PARD3B: variants seen among roughly 807,000 people sequenced by gnomAD.
PARD3B encodes the protein par-3 family cell polarity regulator beta.
Under a neutral mutation model 130.2 loss-of-function variants are expected in PARD3B, and 103 were observed. The observed-to-expected ratio is 0.79, with a 90% CI of 0.67 to 0.93. PARD3B has a LOEUF of 0.93. Among genes scored for constraint, PARD3B ranks in the 40% least tolerant of loss-of-function variants. The pLI, the probability that PARD3B is intolerant of heterozygous loss-of-function variation, is 0.00. For synonymous variants in PARD3B, 583 were observed against 553.2 expected (o/e 1.05, Z -0.76); for missense variants, 1,609 against 1,499.2 (o/e 1.07, Z -1.21).
chr2:205,522,741 A>ATAAATTTTT (rs2051134479), intron 21 of PARD3B, among the ~76,000 whole-genome samples: 1 of 152,178 alleles, frequency 6.6e-6, no homozygotes. Flanking sequence ...TATACACACA[A>ATAAATTTTT]TAAATTTTTA....
chr2:204,936,704 C>T (rs779572899), intron 2 of PARD3B, among the ~76,000 whole-genome samples: 6 of 152,184 alleles, frequency 3.9e-5, no homozygotes, highest in African/African-American at 7.2e-5. Flanking sequence ...CTGTCATATC[C>T]TCATATTCTT....
At chr2:205,378,424 A>G (rs1221450832) in intron 18 of PARD3B, among the ~76,000 whole-genome samples, 1 of 152,108 alleles carries the variant, frequency 6.6e-6, no homozygotes, top group Non-Finnish European at 1.5e-5. Flanking sequence ...AAAAAAGAAG[A>G]AAGTTTCAAG....
chr2:205,285,252 A>G (rs1171063168), intron 16 of PARD3B, among the ~76,000 whole-genome samples: 2 of 152,138 alleles, frequency 1.3e-5, no homozygotes, highest in Non-Finnish European at 2.9e-5. Flanking sequence ...CAGAGACTGT[A>G]CCATGGGAAG....
At chr2:205,330,990 G>C (rs934964456) in intron 18 of PARD3B, among the ~76,000 whole-genome samples, 1 of 152,016 alleles carries the variant, frequency 6.6e-6, no homozygotes, top group African/African-American at 2.4e-5. Flanking sequence ...TCTCTTCCTC[G>C]ACGGAAAAGA....
chr2:204,809,930 AG>A (rs760463074), intron 2 of PARD3B, among the ~76,000 whole-genome samples: 1 of 151,988 alleles, frequency 6.6e-6, no homozygotes, highest in African/African-American at 2.4e-5. Context: ...GTGTTTCATA[AG>A]TCTTATTGTA....
chr2:204,836,826 G>A (rs561454297), intron 2 of PARD3B, among the ~76,000 whole-genome samples: 12 of 152,124 alleles, frequency 7.9e-5, no homozygotes, highest in Non-Finnish European at 1.6e-4. Context: ...TGAGAGGTAG[G>A]ATTGTGGGTG....
chr2:205,489,115 C>A (rs1016501139), intron 20 of PARD3B, among the ~76,000 whole-genome samples: 2 of 152,110 alleles, frequency 1.3e-5, no homozygotes, highest in African/African-American at 2.4e-5. Context: ...AACTTTTCAA[C>A]TATATTTTAA....
chr2:205,238,880 ATGTG>A (rs1240191527), intron 15 of PARD3B, among the ~76,000 whole-genome samples: 1 of 58,700 alleles, frequency 1.7e-5, no homozygotes, highest in African/African-American at 7.0e-5. Context: ...ATATATATGT[ATGTG>A]TGTATATATA....
At chr2:204,781,935 A>G (rs2041846896) in intron 2 of PARD3B, among the ~76,000 whole-genome samples, 1 of 152,038 alleles carries the variant, frequency 6.6e-6, no homozygotes, top group Admixed American at 6.6e-5. Flanking sequence ...TAGTTTTTCC[A>G]GCTTTTATTA....
chr2:205,506,562 G>A (rs1234276792), intron 21 of PARD3B, among the ~76,000 whole-genome samples: 2 of 152,174 alleles, frequency 1.3e-5, no homozygotes, highest in Non-Finnish European at 2.9e-5. Flanking sequence ...TTGGAGGAAA[G>A]AGAAAACACA....
At chr2:205,353,198 C>T (rs1440571159) in intron 18 of PARD3B, among the ~76,000 whole-genome samples, 2 of 152,220 alleles carry the variant, frequency 1.3e-5, no homozygotes, top group Admixed American at 1.3e-4. Context: ...GCACAGGAAA[C>T]AGTGCAAATA....
At chr2:205,346,276 C>T (rs1217585530) in intron 18 of PARD3B, among the ~76,000 whole-genome samples, 5 of 151,934 alleles carry the variant, frequency 3.3e-5, no homozygotes, top group Admixed American at 2.0e-4. Flanking sequence ...GCCTGGCCCC[C>T]CTGGAGCCAT....
intron 2 of PARD3B, among the ~76,000 whole-genome samples, chr2:204,867,616 C>T (rs565344479): frequency 2.0e-5 from 3 of 152,178 alleles, no homozygotes; most frequent in African/African-American, 7.2e-5. Flanking sequence ...TGCTTTGTGT[C>T]CCTTGAATAA....
intron 3 of PARD3B, among the ~76,000 whole-genome samples, chr2:205,031,656 G>A (rs2196160): frequency 0.83 from 126,867 of 152,022 alleles, 53,280 homozygotes; most frequent in Middle Eastern, 0.91. Context: ...AATATTGTCT[G>A]TTTTATGCTA....
At chr2:205,299,766 A>G (rs558391205) in intron 16 of PARD3B, among the ~76,000 whole-genome samples, 13 of 152,088 alleles carry the variant, frequency 8.5e-5, no homozygotes, top group Admixed American at 2.0e-4. Flanking sequence ...GTTGTGCTCT[A>G]TATTTTCTGT....
chr2:204,687,002 T>C (rs886382044), intron 2 of PARD3B, among the ~76,000 whole-genome samples: 1 of 152,186 alleles, frequency 6.6e-6, no homozygotes, highest in Non-Finnish European at 1.5e-5. Context: ...AACCGAACTC[T>C]GTCAGAGAGA....
intron 20 of PARD3B, among the ~76,000 whole-genome samples, chr2:205,456,585 GT>G (rs1274878677): frequency 6.6e-6 from 1 of 151,644 alleles, no homozygotes; most frequent in Non-Finnish European, 1.5e-5. Context: ...TTTCTGAGAG[GT>G]TTTATCATAA....
chr2:205,139,318 C>T (rs2032752037), intron 10 of PARD3B, among the ~76,000 whole-genome samples: 1 of 151,994 alleles, frequency 6.6e-6, no homozygotes, highest in Admixed American at 6.6e-5. Flanking sequence ...AAGCTTGTTT[C>T]CATTACACAT....
chr2:205,313,708 A>G (rs1038706831), intron 18 of PARD3B, among the ~76,000 whole-genome samples: 2 of 152,220 alleles, frequency 1.3e-5, no homozygotes, highest in African/African-American at 4.8e-5. Context: ...GAAGAAGGAT[A>G]GACCCCTTTA....
Sources: gnomAD v4.1 joint callset for allele counts (sites outside exome capture counted in the v4.1 genomes callset) on GRCh38, gnomAD v4.1.1 for gene constraint, MANE v1.5 for transcripts, NCBI Gene and HGNC (gene_info 2026-07-23, HGNC 2026-07-21) for gene names.